The following HTR5A variants were observed in gnomAD, a reference collection of about 807,000 sequenced individuals.
The protein encoded by HTR5A is 5-HT-5.
HTR5A carries 21 observed loss-of-function variants against 24.3 expected under a neutral mutation model. The observed-to-expected ratio is 0.86, with a 90% CI of 0.61 to 1.24. The LOEUF (loss-of-function observed/expected upper bound fraction) is 1.24. Ranked by LOEUF, HTR5A falls within the 50% of genes most tolerant of loss-of-function variation. The pLI, the probability that HTR5A is intolerant of heterozygous loss-of-function variation, is 0.00. For synonymous variants in HTR5A, 260 were observed against 213.7 expected (o/e 1.22, Z -1.89); for missense variants, 497 against 489.5 (o/e 1.02, Z -0.15).
At chr7:155,073,245 C>A (rs753061040) in intron 1 of HTR5A, among the ~76,000 whole-genome samples, 1 of 144,334 alleles carries the variant, frequency 6.9e-6, no homozygotes, top group Non-Finnish European at 1.5e-5. Context: ...GGAGTGAACC[C>A]GGGAGGCGGA....
chr7:155,082,673 C>T (rs1270350956), intron 1 of HTR5A, among the ~76,000 whole-genome samples: 1 of 152,184 alleles, frequency 6.6e-6, no homozygotes, highest in Admixed American at 6.5e-5. Flanking sequence ...AACAGCTTCC[C>T]TGATATTATT....
rs906329028 is a variant in HTR5A, at chr7:155,086,748, T to C, written c.*2261T>C. Among the ~76,000 whole-genome samples the C allele has an allele frequency of 7.2e-5, 11 of 152,254 alleles. No individual in the cohort carries two copies. Among genetic ancestry groups the C allele is most frequent in the African/African-American group, 2.7e-4 (11 of 41,472 alleles). On this transcript the variant is annotated 3_prime_UTR_variant, in exon 2 of 2. Coordinates refer to ENST00000287907, the MANE Select transcript of HTR5A (RefSeq NM_024012.4). ...GTTGTTTATACCCTGGTAAGAAATG[T>C]AGACATTCATTGACTTTGAGTCTCT... is the stretch of plus-strand genomic sequence containing the variant.
At chr7:155,078,754 T>TTTTTTC in intron 1 of HTR5A, among the ~76,000 whole-genome samples, 1 of 142,098 alleles carries the variant, frequency 7.0e-6, no homozygotes, top group Non-Finnish European at 1.5e-5. Flanking sequence ...TGTGCTTCTT[T>TTTTTTC]TTTTTTTTAC....
intron 1 of HTR5A, among the ~76,000 whole-genome samples, chr7:155,081,253 C>T (rs1795413534): frequency 6.6e-6 from 1 of 152,086 alleles, no homozygotes; most frequent in Non-Finnish European, 1.5e-5. Flanking sequence ...GAGTCTATAC[C>T]TTAACTTCAA....
At chr7:155,083,452 A>G (rs999701097) in intron 1 of HTR5A, among the ~76,000 whole-genome samples, 12 of 152,220 alleles carry the variant, frequency 7.9e-5, no homozygotes, top group African/African-American at 2.9e-4. Flanking sequence ...AGGGAGGAAG[A>G]GCTTCCTTTC....
chr7:155,075,352 A>G (rs1563420279), intron 1 of HTR5A, among the ~76,000 whole-genome samples: 1 of 152,190 alleles, frequency 6.6e-6, no homozygotes, highest in Non-Finnish European at 1.5e-5. Context: ...AGTTTATGCT[A>G]TTTTTTAGAT....
In HTR5A at chr7:155,084,163, C is replaced by G; in HGVS notation, c.750C>G (p.Asp250Glu). ...CTGCTTGTCTTTTACAGGTGAAGGA[C>G]TCTGCCAAACAGCCCCAGATGGTGT... is the stretch of plus-strand genomic sequence containing the variant. ...SPISEAVEVK[D>E]SAKQPQMVFT... The change falls in exon 2 of 2, where the codon GAC becomes GAG. Residue 250 changes from aspartate to glutamate, a missense_variant. Transcript: ENST00000287907. 1 of 1,602,140 alleles carries G rather than the reference C, an allele frequency of 6.2e-7. No individual in the cohort carries two copies. The highest frequency in any genetic ancestry group is 8.5e-7 in the Non-Finnish European group (1 of 1,173,810).
chr7:155,073,877 GTATATATATATGTA>G (rs1294824821), intron 1 of HTR5A, among the ~76,000 whole-genome samples: 5 of 8,016 alleles, frequency 6.2e-4, no homozygotes, highest in Admixed American at 2.7e-3. Flanking sequence ...ATATATATAT[GTATATATATATGTA>G]TATATATATA....
Position 155,084,289 on chromosome 7 carries a change from C to A in HTR5A, c.876C>A (p.Gly292=), listed in dbSNP as rs151277627. ...RAALMVGILI[G]VFVLCWIPFF... is the part of the protein sequence containing the mutation. ...CCCTCATGGTGGGCATCCTCATTGG[C>A]GTGTTCGTGCTCTGCTGGATCCCCT... The change falls in exon 2 of 2, where the codon GGC becomes GGA. Residue 292 remains glycine (G), a synonymous_variant. Transcript: ENST00000287907. 2.4e-5 allele frequency: 38 copies of A among 1,614,150 alleles called. No individual in the cohort carries two copies. In the African/African-American group the frequency reaches 4.7e-4, roughly 20 times the overall value.
In HTR5A at chr7:155,070,879, G is replaced by A. The variant is rs1232414329; in HGVS notation, c.-21G>A. The A allele has an allele frequency of 6.3e-7, 1 of 1,584,254 alleles. No individual in the cohort carries two copies. The highest frequency in any genetic ancestry group is 2.2e-5 in the East Asian group (1 of 44,648). ...GAACACCCCTTCTGCAAGTACCCCA[G>A]GGCGGTCTCCTGACCCAGAGATGGA... is the stretch of plus-strand genomic sequence containing the variant. On this transcript the variant is annotated 5_prime_UTR_variant, in exon 1 of 2. Transcript: ENST00000287907.
chr7:155,077,600 A>T (rs1489483167), intron 1 of HTR5A, among the ~76,000 whole-genome samples: 3 of 151,542 alleles, frequency 2.0e-5, no homozygotes, highest in Non-Finnish European at 2.9e-5. Context: ...AGTAGCTGGG[A>T]TTATAGGTGT....
rs1800883 is a variant in HTR5A at position 155,070,881 on chromosome 7, G to C, written c.-19G>C. On this transcript the variant is annotated 5_prime_UTR_variant, in exon 1 of 2. Transcript: ENST00000287907. ...ACACCCCTTCTGCAAGTACCCCAGGGCGGTCTCCTGACCCAGAGATGGATT... is the reference window on the plus strand; with the variant it reads ...ACACCCCTTCTGCAAGTACCCCAGGCCGGTCTCCTGACCCAGAGATGGATT... 0.37 allele frequency: 587,757 copies of C among 1,584,366 alleles called. 111,682 individuals are homozygous for C. The highest frequency in any genetic ancestry group is 0.49 in the East Asian group (21,639 of 44,598).
At chr7:155,073,960 G>A (rs1164962386) in intron 1 of HTR5A, among the ~76,000 whole-genome samples, 1 of 144,946 alleles carries the variant, frequency 6.9e-6, no homozygotes, top group African/African-American at 2.8e-5. Flanking sequence ...TCCCAGATCA[G>A]TTTTTTAAAT....
intron 1 of HTR5A, among the ~76,000 whole-genome samples, chr7:155,073,323 G>GA (rs66715434): frequency 0.068 from 7,409 of 109,128 alleles, 457 homozygotes; most frequent in Non-Finnish European, 0.078. Context: ...TCTGTCTCAA[G>GA]AAAAAAAAAA....
chr7:155,080,658 A>G (rs1327143053), intron 1 of HTR5A, among the ~76,000 whole-genome samples: 1 of 152,268 alleles, frequency 6.6e-6, no homozygotes, highest in African/African-American at 2.4e-5. Context: ...GCAGTCTCCC[A>G]GAGCAGAGCG....
chr7:155,070,996 T>C lies in HTR5A; in HGVS notation c.97T>C (p.Ser33Pro). ...SLGKDDLRPS[S>P]PLLSVFGVLI... ...CGGCAAAGACGACCTGCGCCCCAGC[T>C]CGCCCCTGCTCTCGGTCTTCGGAGT... Residue 33 changes from serine to proline, a missense_variant, in exon 1 of 2, where the codon TCG (serine) becomes CCG (proline). Coordinates refer to ENST00000287907, the MANE Select transcript of HTR5A (RefSeq NM_024012.4). 1 of 1,611,904 alleles carries C rather than the reference T, an allele frequency of 6.2e-7. No individual in the cohort carries two copies. The highest frequency in any genetic ancestry group is 8.5e-7 in the Non-Finnish European group (1 of 1,180,008).
Position 155,070,755 on chromosome 7 carries a change from G to C in HTR5A, c.-145G>C. 1.2e-6 allele frequency: 1 copy of C among 868,884 alleles called. No homozygotes were observed. Among genetic ancestry groups the C allele is most frequent in the Non-Finnish European group, 1.8e-6 (1 of 558,216 alleles). The allele number at this position is 868,884 out of a possible 1,614,324, so 53.8% of individuals were successfully genotyped here. ...ACGGATGCTCACTAGCAGGAAATTG[G>C]GGCCAAATTCACAGGCACTTTCCAG... On this transcript the variant is annotated 5_prime_UTR_variant, in exon 1 of 2. Coordinates refer to ENST00000287907, the MANE Select transcript of HTR5A (RefSeq NM_024012.4).
Position 155,083,281 on chromosome 7 carries a change from TCTCA to T in HTR5A, c.742-868_742-865del. Among the ~76,000 whole-genome samples, 3 of 152,282 alleles carry T rather than the reference TCTCA, an allele frequency of 2.0e-5. No individual in the cohort carries two copies. The Middle Eastern group carries it at 0.01, about 518-fold the overall frequency. On this transcript the variant is annotated intron_variant, in intron 1 of 1. Transcript: ENST00000287907. ...AGAATACTATTTAATGTTAATGCAGTCTCACTCACCAGAGAATGAATGACTCAGA... is the reference window on the plus strand; with the variant it reads ...AGAATACTATTTAATGTTAATGCAGTCTCACCAGAGAATGAATGACTCAGA...
chr7:155,071,445 A>G lies in HTR5A; in HGVS notation c.546A>G (p.Gly182=). The G allele has an allele frequency of 6.2e-7, 1 of 1,614,126 alleles. No homozygotes were observed. Among genetic ancestry groups the G allele is most frequent in the East Asian group, 2.2e-5 (1 of 44,880 alleles). Residue 182 remains glycine (G), a synonymous_variant, in exon 1 of 2, where the codon GGA becomes GGG. Coordinates refer to ENST00000287907, the MANE Select transcript of HTR5A (RefSeq NM_024012.4). ...TGGCCCCGCTGCTTTTTGGCTGGGGAGAGACGTACTCTGAGGGCAGCGAGG... is the reference window on the plus strand; with the variant it reads ...TGGCCCCGCTGCTTTTTGGCTGGGGGGAGACGTACTCTGAGGGCAGCGAGG... ...ISLAPLLFGW[G]ETYSEGSEEC...
Sources: gnomAD v4.1 joint callset for allele counts (sites outside exome capture counted in the v4.1 genomes callset) on GRCh38, gnomAD v4.1.1 for gene constraint, MANE v1.5 for transcripts, NCBI Gene and HGNC (gene_info 2026-07-23, HGNC 2026-07-21) for gene names.